Variants in TXLNB observed in about 807,000 individuals in gnomAD.
The protein encoded by TXLNB is taxilin beta.
A neutral mutation model predicts 57.4 loss-of-function variants in TXLNB; 37 were observed. The observed-to-expected ratio is 0.64, with a 90% CI of 0.50 to 0.85. The LOEUF (loss-of-function observed/expected upper bound fraction) is 0.85, where lower values mean the gene tolerates loss of function less well. Ranked by LOEUF, TXLNB falls within the 40% of genes least tolerant of loss-of-function variation. The probability of loss-of-function intolerance (pLI) is 0.00; values close to 1 mark genes in which losing one functional copy is unlikely to be tolerated. For synonymous variants in TXLNB, 302 were observed against 309.6 expected (o/e 0.98, Z 0.26); for missense variants, 848 against 825.6 (o/e 1.03, Z -0.33).
the TXLNB span, among the ~76,000 whole-genome samples, chr6:139,159,978 T>C: frequency 6.6e-6 from 1 of 152,184 alleles, no homozygotes; most frequent in Admixed American, 6.5e-5. Flanking sequence ...TTTGGGCTCA[T>C]TGGGCATTCA....
the TXLNB span, among the ~76,000 whole-genome samples, chr6:139,233,267 T>C: frequency 6.6e-6 from 1 of 150,812 alleles, no homozygotes; most frequent in Admixed American, 6.6e-5. Flanking sequence ...TAGAGTGATA[T>C]AATTATGAGT....
chr6:139,241,012 C>A lies in TXLNB; in HGVS notation c.*1514G>T. Reference sequence around the variant, plus strand: ...TTCTTCCTTCCCTTTCCTCTCTCTCCCTCTCTTCTTTCCTGTTTCATTGTT... The same window carrying A: ...TTCTTCCTTCCCTTTCCTCTCTCTCACTCTCTTCTTTCCTGTTTCATTGTT... On this transcript the variant is annotated 3_prime_UTR_variant, in exon 10 of 10. Transcript: ENST00000358430. 1 of 152,410 alleles carries A rather than the reference C, an allele frequency of 6.6e-6. No individual in the cohort carries two copies. The allele number at this position is 152,410 out of a possible 1,614,324, so 9.4% of individuals were successfully genotyped here.
At chr6:139,311,799 T>C in the TXLNB span, among the ~76,000 whole-genome samples, 1 of 152,160 alleles carries the variant, frequency 6.6e-6, no homozygotes, top group Non-Finnish European at 1.5e-5. Flanking sequence ...CAAAGTACCG[T>C]AGGCTGGATG....
chr6:139,191,345 G>C, the TXLNB span, among the ~76,000 whole-genome samples: 1 of 152,180 alleles, frequency 6.6e-6, no homozygotes, highest in Non-Finnish European at 1.5e-5. Flanking sequence ...CTTGAACCTG[G>C]GAGGTGGAGG....
the TXLNB span, among the ~76,000 whole-genome samples, chr6:139,193,559 T>C: frequency 6.6e-6 from 1 of 151,918 alleles, no homozygotes; most frequent in Non-Finnish European, 1.5e-5. Flanking sequence ...GCACTATCTG[T>C]ATCTGGTCTG....
At chr6:139,170,349 G>C in the TXLNB span, 2 of 152,158 alleles carry the variant, frequency 1.3e-5, no homozygotes, top group East Asian at 3.8e-4. Flanking sequence ...AGGATAAGAT[G>C]CTTTTATAAA....
At chr6:139,267,563 A>G (rs1776645896) in intron 4 of TXLNB, among the ~76,000 whole-genome samples, 1 of 152,234 alleles carries the variant, frequency 6.6e-6, no homozygotes, top group Non-Finnish European at 1.5e-5. Flanking sequence ...AGGCAGGAAA[A>G]GAACAAGATA....
At chr6:139,218,119 G>A in the TXLNB span, among the ~76,000 whole-genome samples, 1 of 152,118 alleles carries the variant, frequency 6.6e-6, no homozygotes, top group African/African-American at 2.4e-5. Flanking sequence ...CCTTTAGGGT[G>A]TTCAGCTTCT....
the TXLNB span, among the ~76,000 whole-genome samples, chr6:139,317,903 A>G: frequency 6.6e-6 from 1 of 152,124 alleles, no homozygotes; most frequent in South Asian, 2.1e-4. Flanking sequence ...CATTGTGAGA[A>G]TTTTTTAAAA....
the TXLNB span, among the ~76,000 whole-genome samples, chr6:139,192,883 A>C: frequency 1.3e-5 from 2 of 151,970 alleles, no homozygotes; most frequent in African/African-American, 4.8e-5. Flanking sequence ...GAATCACTTG[A>C]ACCTGTTAGG....
the TXLNB span, among the ~76,000 whole-genome samples, chr6:139,219,896 T>C: frequency 6.6e-6 from 1 of 152,168 alleles, no homozygotes; most frequent in Non-Finnish European, 1.5e-5. Flanking sequence ...GATATAAGAG[T>C]ATTAGGCTTT....
At chr6:139,167,085 G>T in the TXLNB span, 1 of 1,614,204 alleles carries the variant, frequency 6.2e-7, no homozygotes, top group Non-Finnish European at 8.5e-7. Context: ...CACATCCCCA[G>T]GCATAAGCTG....
chr6:139,175,864 T>A, the TXLNB span, among the ~76,000 whole-genome samples: 5 of 152,230 alleles, frequency 3.3e-5, no homozygotes, highest in Non-Finnish European at 1.5e-5. Context: ...TATTTCTTCC[T>A]TAAAACAATT....
chr6:139,175,619 C>T, the TXLNB span, among the ~76,000 whole-genome samples: 3 of 152,108 alleles, frequency 2.0e-5, no homozygotes, highest in Non-Finnish European at 4.4e-5. Context: ...CTGGAAAGGA[C>T]CTGGGATCTA....
Position 139,242,858 on chromosome 6 carries a change from A to T in TXLNB, c.1723T>A (p.Ser575Thr). 6.2e-7 allele frequency: 1 copy of T among 1,614,014 alleles called. No homozygotes were observed. Among genetic ancestry groups the T allele is most frequent in the East Asian group, 2.2e-5 (1 of 44,856 alleles). Residue 575 changes from serine (S) to threonine (T), a missense_variant, in exon 10 of 10, where the codon TCC (serine) becomes ACC (threonine). Coordinates refer to ENST00000358430, the MANE Select transcript of TXLNB (RefSeq NM_153235.4). ...CCGGCAGGAGAATTACTGGCCTTGG[A>T]GGGAGGTTCAGCATCACTGCCTCCT... is the stretch of plus-strand genomic sequence containing the variant. Reference protein sequence around the residue: ...AEGGSDAEPPSKASNSPAGLG... With the variant: ...AEGGSDAEPPTKASNSPAGLG...
chr6:139,273,168 G>A (rs1776809715), intron 3 of TXLNB, among the ~76,000 whole-genome samples: 1 of 152,204 alleles, frequency 6.6e-6, no homozygotes, highest in African/African-American at 2.4e-5. Flanking sequence ...TAACATACTG[G>A]GCCAGATAAT....
At chr6:139,160,950 A>G in the TXLNB span, among the ~76,000 whole-genome samples, 1 of 152,192 alleles carries the variant, frequency 6.6e-6, no homozygotes, top group Non-Finnish European at 1.5e-5. Context: ...AAACTGCTCA[A>G]TGTCAAACAA....
At chr6:139,268,498 A>G (rs963593878) in intron 4 of TXLNB, among the ~76,000 whole-genome samples, 1 of 152,236 alleles carries the variant, frequency 6.6e-6, no homozygotes, top group Non-Finnish European at 1.5e-5. Flanking sequence ...ATAAAAATTA[A>G]ATAACACTTC....
At chr6:139,269,134 A>G (rs927052407) in intron 4 of TXLNB, 6 of 152,216 alleles carry the variant, frequency 3.9e-5, no homozygotes, top group African/African-American at 1.4e-4. Context: ...CGAATTCCCA[A>G]GCTGAAGTGA....
Sources: allele counts gnomAD v4.1 joint callset (sites outside exome capture counted in the v4.1 genomes callset), GRCh38; gene constraint gnomAD v4.1.1; transcripts MANE v1.5; gene names NCBI Gene and HGNC (gene_info 2026-07-23, HGNC 2026-07-21).